ST8SIA1: variants seen among roughly 807,000 people sequenced by gnomAD.
ST8SIA1 encodes alpha-N-acetylneuraminide alpha-2,8-sialyltransferase.
In ST8SIA1, 16 loss-of-function variants were observed where a neutral mutation model predicts 35.9. The ratio of observed to expected loss-of-function variants is 0.45; its 90% CI spans 0.30 to 0.68. The LOEUF is 0.68. ST8SIA1 is among the 30% of genes least tolerant of loss of function. The pLI, the probability that ST8SIA1 is intolerant of heterozygous loss-of-function variation, is 0.09. For missense variants in ST8SIA1, 383 were observed against 453.6 expected (o/e 0.84, Z 1.41); for synonymous variants, 170 against 169.6 (o/e 1.00, Z -0.02).
chr12:22,301,471 C>T (rs1190871369), intron 1 of ST8SIA1, among the ~76,000 whole-genome samples: 1 of 151,962 alleles, frequency 6.6e-6, no homozygotes, highest in Non-Finnish European at 1.5e-5. Context: ...ATTAAGTATA[C>T]TCCTATAAAT....
At chr12:22,303,973 A>G (rs924547618) in intron 1 of ST8SIA1, among the ~76,000 whole-genome samples, 15 of 152,148 alleles carry the variant, frequency 9.9e-5, no homozygotes, top group African/African-American at 2.4e-4. Context: ...CTTTATTTAC[A>G]TAACAAGGCC....
chr12:22,329,041 G>A (rs77544897), intron 1 of ST8SIA1, among the ~76,000 whole-genome samples: 2,689 of 152,294 alleles, frequency 0.018, 87 homozygotes, highest in African/African-American at 0.062. Context: ...TCCAGGTGGA[G>A]TGGGTGGCTC....
intron 4 of ST8SIA1, among the ~76,000 whole-genome samples, chr12:22,237,721 G>A (rs943508637): frequency 7.3e-5 from 11 of 151,230 alleles, no homozygotes; most frequent in African/African-American, 2.7e-4. Flanking sequence ...CATTTATTAT[G>A]TATGTAATAT....
chr12:22,301,390 G>A lies in ST8SIA1; in HGVS notation c.237-14097C>T, dbSNP rs551802473. 1.0e-3 allele frequency among the ~76,000 whole-genome samples: 156 copies of A among 151,458 alleles called. 1 individual carries two copies. The highest frequency in any genetic ancestry group is 3.8e-3 in the South Asian group (18 of 4,784). ...ATATTTTTGACTTTTTGCTTAAAAT[G>A]TTGCTGATCCTTTGTTTTGTTTTTC... is the stretch of plus-strand genomic sequence containing the variant. On this transcript the variant is annotated intron_variant, in intron 1 of 4. Transcript: ENST00000396037.
Position 22,334,077 on chromosome 12 carries a change from G to A in ST8SIA1, c.156C>T (p.Pro52=). 2 of 1,614,134 alleles carry A rather than the reference G, an allele frequency of 1.2e-6. No homozygotes were observed. The highest frequency in any genetic ancestry group is 1.6e-4 in the Middle Eastern group (1 of 6,062). ...CCCCCTGCACGATCTCTTTCTCGTT[G>A]GGCAGCCGGTAGACGGGGAAGATGT... is the stretch of plus-strand genomic sequence containing the variant. ...WLYIFPVYRL[P]NEKEIVQGVL... Residue 52 remains proline (P), a synonymous_variant, in exon 1 of 5, where the codon CCC becomes CCT. Transcript: ENST00000396037.
chr12:22,261,897 G>C (rs1865796662), intron 2 of ST8SIA1, among the ~76,000 whole-genome samples: 1 of 152,192 alleles, frequency 6.6e-6, no homozygotes, highest in African/African-American at 2.4e-5. Context: ...TGTTATGGAT[G>C]CTGAAAATGT....
chr12:22,211,269 T>C (rs1865172643), intron 4 of ST8SIA1, among the ~76,000 whole-genome samples: 1 of 152,214 alleles, frequency 6.6e-6, no homozygotes, highest in South Asian at 2.1e-4. Context: ...GAAGCTTCAT[T>C]ACATAGCCAT....
intron 4 of ST8SIA1, among the ~76,000 whole-genome samples, chr12:22,220,497 C>G (rs573993714): frequency 6.6e-6 from 1 of 152,100 alleles, no homozygotes; most frequent in African/African-American, 2.4e-5. Context: ...TATACACACC[C>G]CTAATAGCAG....
At chr12:22,208,165 A>G (rs1865136190) in intron 4 of ST8SIA1, among the ~76,000 whole-genome samples, 1 of 151,746 alleles carries the variant, frequency 6.6e-6, no homozygotes, top group South Asian at 2.1e-4. Context: ...AGCAAAATCA[A>G]TAATAAAACA....
At chr12:22,257,836 GAATC>G (rs1425432851) in intron 2 of ST8SIA1, among the ~76,000 whole-genome samples, 2 of 152,128 alleles carry the variant, frequency 1.3e-5, no homozygotes, top group East Asian at 3.9e-4. Context: ...TCTAAGATGA[GAATC>G]AAGTCAATGT....
At chr12:22,273,357 GCA>G (rs979697573) in intron 2 of ST8SIA1, among the ~76,000 whole-genome samples, 4 of 152,070 alleles carry the variant, frequency 2.6e-5, no homozygotes. Context: ...TGACCTTTTT[GCA>G]CAGTCACAAA....
intron 1 of ST8SIA1, among the ~76,000 whole-genome samples, chr12:22,290,009 T>C (rs1240819556): frequency 6.6e-6 from 1 of 152,192 alleles, no homozygotes; most frequent in Non-Finnish European, 1.5e-5. Flanking sequence ...CACATTCACA[T>C]CTCCTCCTAC....
At chr12:22,333,338 G>A (rs1182149176) in intron 1 of ST8SIA1, among the ~76,000 whole-genome samples, 1 of 152,234 alleles carries the variant, frequency 6.6e-6, no homozygotes, top group Admixed American at 6.5e-5. Context: ...CAGGTCAAAA[G>A]TAATGACCTT....
intron 2 of ST8SIA1, among the ~76,000 whole-genome samples, chr12:22,271,732 T>C (rs575804055): frequency 1.7e-4 from 26 of 152,332 alleles, no homozygotes; most frequent in African/African-American, 5.8e-4. Flanking sequence ...CTGCTCCAAG[T>C]AGTCATTCTG....
In ST8SIA1 at chr12:22,334,630, C is replaced by A. The variant is rs565009528; in HGVS notation, c.-398G>T. 6.3e-4 allele frequency: 132 copies of A among 210,982 alleles called. 1 individual carries two copies. The highest frequency in any genetic ancestry group is 2.7e-3 in the African/African-American group (115 of 42,688). The allele number at this position is 210,982 out of a possible 1,614,324, so 13.1% of individuals were successfully genotyped here. ...TCGGCTCCCTCCTAAACATGTGGCC[C>A]GTGGCGTCCCCTTGTCCCCTCCGAG... is the stretch of plus-strand genomic sequence containing the variant. On this transcript the variant is annotated 5_prime_UTR_variant, in exon 1 of 5. Transcript: ENST00000396037.
chr12:22,300,412 C>T (rs968060605), intron 1 of ST8SIA1, among the ~76,000 whole-genome samples: 4 of 152,104 alleles, frequency 2.6e-5, no homozygotes, highest in Non-Finnish European at 5.9e-5. Context: ...TAACCATTAA[C>T]GTCAAAGGCA....
chr12:22,260,884 T>TG (rs1865783366), intron 2 of ST8SIA1, among the ~76,000 whole-genome samples: 1 of 147,808 alleles, frequency 6.8e-6, no homozygotes. Flanking sequence ...GTTTTTTTTT[T>TG]TTTTTTTTTT....
intron 4 of ST8SIA1, among the ~76,000 whole-genome samples, chr12:22,235,899 C>CAG (rs893675253): frequency 4.6e-5 from 7 of 151,632 alleles, no homozygotes; most frequent in African/African-American, 1.7e-4. Context: ...TCACCACACA[C>CAG]ACACACACAC....
chr12:22,201,454 C>T lies in ST8SIA1; in HGVS notation c.*98G>A. 1 of 1,457,178 alleles carries T rather than the reference C, an allele frequency of 6.9e-7. No homozygotes were observed. The highest frequency in any genetic ancestry group is 9.2e-7 in the Non-Finnish European group (1 of 1,090,364). The allele number at this position is 1,457,178 out of a possible 1,614,324, so 90.3% of individuals were successfully genotyped here. A position where few individuals can be genotyped will look rare whatever the true frequency, so the allele number is the denominator to read the frequency against. On this transcript the variant is annotated 3_prime_UTR_variant, in exon 5 of 5. Coordinates refer to ENST00000396037, the MANE Select transcript of ST8SIA1 (RefSeq NM_003034.4). ...CTCCTTTCCTGTTTTTCCAAGGGCCCATGCAAACTCATGAAACAACTTGAC... is the reference window on the plus strand; with the variant it reads ...CTCCTTTCCTGTTTTTCCAAGGGCCTATGCAAACTCATGAAACAACTTGAC...
Sources: allele counts gnomAD v4.1 joint callset (sites outside exome capture counted in the v4.1 genomes callset), GRCh38; gene constraint gnomAD v4.1.1; transcripts MANE v1.5; gene names NCBI Gene and HGNC (gene_info 2026-07-23, HGNC 2026-07-21).